Variants in LAMA5 observed in about 807,000 individuals in gnomAD.
LAMA5 encodes laminin subunit alpha-5.
A neutral mutation model predicts 433.4 loss-of-function variants in LAMA5; 260 were observed. That is an observed-to-expected ratio of 0.60 (90% CI 0.54 to 0.66). LAMA5 has a LOEUF of 0.66. Among genes scored for constraint, LAMA5 ranks in the 30% least tolerant of loss-of-function variants. The pLI, the probability that LAMA5 is intolerant of heterozygous loss-of-function variation, is 0.00. For synonymous variants in LAMA5, 2,620 were observed against 2,226.6 expected, an observed-to-expected ratio of 1.18 and a Z score of -4.97; for missense variants, 5,378 against 5,258.5, an observed-to-expected ratio of 1.02 and a Z score of -0.70.
intron 53 of LAMA5, among the ~76,000 whole-genome samples, chr20:62,318,085 G>A (rs145115706): frequency 0.012 from 166 of 13,482 alleles, 2 homozygotes; most frequent in Non-Finnish European, 0.016. Flanking sequence ...GAGAGGAGGA[G>A]AAGGGGAAGG....
chr20:62,326,729 G>A lies in LAMA5; in HGVS notation c.5246C>T (p.Pro1749Leu), dbSNP rs149220558. ...AACGTGGCCAGGCGTGGGGTATGCC[G>A]GCTCCAGGAATGTGATGCTCATCTG... is the stretch of plus-strand genomic sequence containing the variant. ...GNQMSITFLE[P>L]AYPTPGHVHR... is the part of the protein sequence containing the mutation. Residue 1749 changes from proline (P) to leucine (L), a missense_variant, in exon 40 of 80, where the codon CCG (proline) becomes CTG (leucine). Coordinates refer to ENST00000252999, the MANE Select transcript of LAMA5 (RefSeq NM_005560.6). 4.2e-4 allele frequency: 670 copies of A among 1,612,968 alleles called. 2 individuals are homozygous for A. The highest frequency in any genetic ancestry group is 6.2e-4 in the East Asian group (28 of 44,874).
intron 40 of LAMA5, among the ~76,000 whole-genome samples, chr20:62,325,797 T>A (rs1979187921): frequency 6.6e-6 from 1 of 152,192 alleles, no homozygotes; most frequent in African/African-American, 2.4e-5. Flanking sequence ...GCCAAGCTTC[T>A]AGAAGAAAAC....
At chr20:62,321,942 C>T (rs1987861366) in intron 48 of LAMA5, 77 bp downstream of exon 48, 2 of 1,445,184 alleles carry the variant, frequency 1.4e-6, no homozygotes, top group Non-Finnish European at 9.6e-7. Flanking sequence ...TCGACGTTAA[C>T]ACTGGGGTCA....
intron 1 of LAMA5, among the ~76,000 whole-genome samples, chr20:62,366,370 A>C (rs1986726200): frequency 6.6e-6 from 1 of 152,160 alleles, no homozygotes; most frequent in Admixed American, 6.5e-5. Flanking sequence ...CCCGGACCCT[A>C]CCACCTGCTG....
At position 62,338,109 on chromosome 20, in the gene LAMA5, C is replaced by T. The variant is rs750123159; in HGVS notation, c.1798G>A (p.Asp600Asn). 32 of 1,598,492 alleles carry T rather than the reference C, an allele frequency of 2.0e-5. No individual in the cohort carries two copies. The highest frequency in any genetic ancestry group is 2.3e-5 in the Non-Finnish European group (27 of 1,171,844). Reference sequence around the variant, plus strand: ...TGGCATAGGCAGCGGCCGGCCTCATCGCAGCCCTCGGGCAAGGTTCCTGCA... The same window carrying T: ...TGGCATAGGCAGCGGCCGGCCTCATTGCAGCCCTCGGGCAAGGTTCCTGCA... Reference protein sequence around the residue: ...SPAGTLPEGCDEAGRCLCQPE... With the variant: ...SPAGTLPEGCNEAGRCLCQPE... The change falls in exon 14 of 80, where the codon GAT (aspartate) becomes AAT (asparagine). Residue 600 changes from aspartate to asparagine, a missense_variant. Physicochemically the swap from Asp to Asn is conservative, Grantham distance 23. Coordinates refer to ENST00000252999, the MANE Select transcript of LAMA5 (RefSeq NM_005560.6).
chr20:62,315,196 T>C lies in LAMA5; in HGVS notation c.7879A>G (p.Lys2627Glu), dbSNP rs775958777. ...MLAMDTDETS[K>E]KIAHAKAVAA... is the part of the protein sequence containing the mutation. ...ACAGCCTTGGCATGTGCGATCTTCT[T>C]GCTTGTCTCGTCTGTGGTGGGCAGA... The change falls in exon 59 of 80, where the codon AAG (lysine) becomes GAG (glutamate). Residue 2627 changes from lysine (K) to glutamate (E), a missense_variant. Coordinates refer to ENST00000252999, the MANE Select transcript of LAMA5 (RefSeq NM_005560.6). The C allele has an allele frequency of 1.2e-6, 2 of 1,607,564 alleles. No homozygotes were observed. Among genetic ancestry groups the C allele is most frequent in the South Asian group, 1.1e-5 (1 of 90,600 alleles).
In LAMA5 at chr20:62,314,398, C is replaced by A; in HGVS notation, c.8410G>T (p.Val2804Leu). 1 of 1,613,496 alleles carries A rather than the reference C, an allele frequency of 6.2e-7. No individual in the cohort carries two copies. The highest frequency in any genetic ancestry group is 8.5e-7 in the Non-Finnish European group (1 of 1,179,964). The change falls in exon 62 of 80, where the codon GTG becomes TTG. Residue 2804 changes from valine to leucine, a missense_variant. Physicochemically the swap from Val to Leu is conservative, Grantham distance 32. Transcript: ENST00000252999. ...YMGVSLRDKK[V>L]HWVYQLGEAG... is the part of the protein sequence containing the mutation. ...TCACCCAGCTGATACACCCAGTGCA[C>A]CTTCTTGTCACGCAGAGACACACCC...
chr20:62,328,193 G>T, intron 35 of LAMA5, 48 bp downstream of exon 35: 2 of 1,538,810 alleles, frequency 1.3e-6, no homozygotes. Flanking sequence ...AGGAAATGCT[G>T]TCCTTAAGGC....
Position 62,347,043 on chromosome 20 carries a change from G to T in LAMA5, c.957-15C>A. ...TGCACTGCAGCCTGTGGGGTACACA[G>T]GAGGGGGGATCAGGCCCATCCTGGA... On this transcript the variant is annotated splice_polypyrimidine_tract_variant and intron_variant, in intron 6 of 79. Coordinates refer to ENST00000252999, the MANE Select transcript of LAMA5 (RefSeq NM_005560.6). The T allele has an allele frequency of 1.2e-6, 2 of 1,603,212 alleles. No individual in the cohort carries two copies. The highest frequency in any genetic ancestry group is 1.7e-6 in the Non-Finnish European group (2 of 1,173,722).
At chr20:62,349,035 C>T (rs187685521) in intron 6 of LAMA5, among the ~76,000 whole-genome samples, 19 of 151,932 alleles carry the variant, frequency 1.3e-4, no homozygotes, top group East Asian at 7.7e-4. Flanking sequence ...TTTGGGAGGC[C>T]GAGGCAGGTG....
intron 6 of LAMA5, among the ~76,000 whole-genome samples, chr20:62,350,349 G>T (rs1488302742): frequency 1.3e-5 from 2 of 152,052 alleles, no homozygotes; most frequent in African/African-American, 4.8e-5. Context: ...GGGTCCCCAG[G>T]GCCCACAGCT....
rs373700695 is a variant in LAMA5, at chr20:62,346,787, G to A, written c.1086C>T (p.Tyr362=). The A allele has an allele frequency of 8.7e-6, 14 of 1,611,604 alleles. No individual in the cohort carries two copies. The highest frequency in any genetic ancestry group is 1.3e-5 in the African/African-American group (1 of 74,896). Residue 362 remains tyrosine, a synonymous_variant, in exon 8 of 80, where the codon TAC becomes TAT. Coordinates refer to ENST00000252999, the MANE Select transcript of LAMA5 (RefSeq NM_005560.6). ...CGTAGTAACAGTCGGTGGCATGGCC[G>A]TAGCAGTTACAGGCTAGAGAGAGGG... The part of the protein sequence containing the change: ...SANECQSCNC[Y]GHATDCYYDP...
Position 62,314,678 on chromosome 20 carries a change from G to A in LAMA5, c.8244C>T (p.Arg2748=), listed in dbSNP as rs777792461. The change falls in exon 61 of 80, where the codon CGC becomes CGT. Residue 2748 remains arginine, a synonymous_variant. Transcript: ENST00000252999. The part of the protein sequence containing the change: ...KFNGRSGVQL[R]TPRDLADLAA... ...CAAGGTCGGCAAGATCCCGTGGGGT[G>A]CGCAGCTGCACCCCTGAGCGCCCGT... 5.0e-6 allele frequency: 8 copies of A among 1,612,548 alleles called. No homozygotes were observed. In the African/African-American group the frequency reaches 5.3e-5, roughly 11 times the overall value.
Position 62,316,982 on chromosome 20 carries a change from G to A in LAMA5, c.7553C>T (p.Ala2518Val). The A allele has an allele frequency of 1.9e-6, 3 of 1,557,672 alleles. No individual in the cohort carries two copies. The highest frequency in any genetic ancestry group is 2.6e-6 in the Non-Finnish European group (3 of 1,148,872). ...DVNQDRLTQR[A>V]IEASNAYSRI... is the part of the protein sequence containing the mutation. Reference sequence around the variant, plus strand: ...GCTGTAGGCGTTGGAGGCCTCGATGGCCCTCTGGGTGAGGCGGTCCTGGTT... The same window carrying A: ...GCTGTAGGCGTTGGAGGCCTCGATGACCCTCTGGGTGAGGCGGTCCTGGTT... Residue 2518 changes from alanine (A) to valine (V), a missense_variant, in exon 56 of 80, where the codon GCC (alanine) becomes GTC (valine). By Grantham distance (64) the Ala-to-Val change is moderately conservative (BLOSUM62 0). Coordinates refer to ENST00000252999, the MANE Select transcript of LAMA5 (RefSeq NM_005560.6).
At chr20:62,328,774 G>C in intron 34 of LAMA5, 70 bp downstream of exon 34, 1 of 1,450,496 alleles carries the variant, frequency 6.9e-7, no homozygotes, top group African/African-American at 1.4e-5. Context: ...CTGCTTTCTG[G>C]TCGACCCGTC....
chr20:62,333,616 A>G lies in LAMA5; in HGVS notation c.2969T>C (p.Val990Ala). ...CAGGGCCCAGGTGCCAGGGTTCAGC[A>G]CAAAGGGCTCTCCGAAGCCCCTCTG... ...VPQRGFGEPF[V>A]LNPGTWALRV... The change falls in exon 24 of 80, where the codon GTG becomes GCG. Residue 990 changes from valine (V) to alanine (A), a missense_variant. Coordinates refer to ENST00000252999, the MANE Select transcript of LAMA5 (RefSeq NM_005560.6). 1 of 1,578,848 alleles carries G rather than the reference A, an allele frequency of 6.3e-7. No homozygotes were observed. The highest frequency in any genetic ancestry group is 8.6e-7 in the Non-Finnish European group (1 of 1,163,000).
intron 20 of LAMA5, among the ~76,000 whole-genome samples, 171 bp downstream of exon 20, chr20:62,334,850 G>T (rs1981275126): frequency 6.6e-6 from 1 of 151,686 alleles, no homozygotes; most frequent in Admixed American, 6.6e-5. Context: ...ATCTGGGTGG[G>T]AGCTGCACCC....
At chr20:62,345,005 T>G (rs1166321867) in intron 11 of LAMA5, among the ~76,000 whole-genome samples, 1 of 152,096 alleles carries the variant, frequency 6.6e-6, no homozygotes, top group Non-Finnish European at 1.5e-5. Context: ...GGGGGAATTG[T>G]GGATAACTTT....
Position 62,322,669 on chromosome 20 carries a change from C to T in LAMA5, c.6154G>A (p.Asp2052Asn). ...CKAGVTGRRC[D>N]RCQEGHFGFD... Reference sequence around the variant, plus strand: ...CCCCACAGCCCTACCTGGCAGCGGTCACAGCGCCGCCCAGTCACGCCCGCC... The same window carrying T: ...CCCCACAGCCCTACCTGGCAGCGGTTACAGCGCCGCCCAGTCACGCCCGCC... The change falls in exon 46 of 80, where the codon GAC becomes AAC. Residue 2052 changes from aspartate (D) to asparagine (N), a missense_variant. By Grantham distance (23) the Asp-to-Asn change is conservative (BLOSUM62 1). Coordinates refer to ENST00000252999, the MANE Select transcript of LAMA5 (RefSeq NM_005560.6). The T allele has an allele frequency of 6.7e-7, 1 of 1,498,632 alleles. No individual in the cohort carries two copies. The highest frequency in any genetic ancestry group is 9.0e-7 in the Non-Finnish European group (1 of 1,115,210). The allele number at this position is 1,498,632 out of a possible 1,614,324, so 92.8% of individuals were successfully genotyped here. A position where few individuals can be genotyped will look rare whatever the true frequency, so the allele number is the denominator to read the frequency against.
Sources: allele counts gnomAD v4.1 joint callset (sites outside exome capture counted in the v4.1 genomes callset), GRCh38; gene constraint gnomAD v4.1.1; transcripts MANE v1.5; gene names NCBI Gene and HGNC (gene_info 2026-07-23, HGNC 2026-07-21).